Variants in XXYLT1 observed in about 807,000 individuals in gnomAD.
XXYLT1 encodes UDP-xylose:alpha-xyloside alpha-1,3-xylosyltransferase.
In XXYLT1, 20 loss-of-function variants were observed where a neutral mutation model predicts 28.9. The ratio of observed to expected loss-of-function variants is 0.69; its 90% CI spans 0.49 to 1.00. The LOEUF (loss-of-function observed/expected upper bound fraction) is 1.00, where lower values mean the gene tolerates loss of function less well. XXYLT1 is among the 50% of genes least tolerant of loss of function. XXYLT1 has a pLI of 0.00. For synonymous variants in XXYLT1, 257 were observed against 253.8 expected (o/e 1.01, Z -0.12); for missense variants, 542 against 560.1 (o/e 0.97, Z 0.33).
intron 1 of XXYLT1, among the ~76,000 whole-genome samples, chr3:195,253,270 G>A (rs969671183): frequency 2.0e-5 from 3 of 151,950 alleles, no homozygotes; most frequent in Non-Finnish European, 4.4e-5. Flanking sequence ...AAAGACTCCC[G>A]TAAATCAGGT....
At chr3:195,259,681 GCCAGCGCCAGGGACAGAC>G in intron 1 of XXYLT1, 2 of 985,390 alleles carry the variant, frequency 2.0e-6, no homozygotes, top group Non-Finnish European at 2.4e-6. Context: ...CGGGCTCCAG[GCCAGCGCCAGGGACAGAC>G]CCAGCACCAG....
chr3:195,143,849 T>TATAGATATAGATATAG (rs1324222928), intron 3 of XXYLT1, among the ~76,000 whole-genome samples: 3 of 72,554 alleles, frequency 4.1e-5, no homozygotes, highest in Non-Finnish European at 9.5e-5. Context: ...TATAGATATA[T>TATAGATATAGATATAG]ATATAGATAT....
At chr3:195,157,344 A>C (rs2108684634) in intron 2 of XXYLT1, among the ~76,000 whole-genome samples, 1 of 151,848 alleles carries the variant, frequency 6.6e-6, no homozygotes, top group South Asian at 2.1e-4. Context: ...AAAAAACATT[A>C]TGGTCTCAGG....
rs950805933 is a variant in XXYLT1, at chr3:195,116,166, G to A, written c.785+40283C>T. ...GCACTATGAGATCTCAAGAGCAAGA[G>A]AAAGAAGGCATGCCACCACGAGCGG... On this transcript the variant is annotated intron_variant, in intron 3 of 3. Transcript: ENST00000310380. 3.9e-4 allele frequency among the ~76,000 whole-genome samples: 60 copies of A among 152,154 alleles called. 1 individual carries two copies. The highest frequency in any genetic ancestry group is 1.3e-4 in the Admixed American group (2 of 15,270).
At chr3:195,231,596 T>A (rs1420805859) in intron 1 of XXYLT1, among the ~76,000 whole-genome samples, 2 of 152,212 alleles carry the variant, frequency 1.3e-5, no homozygotes, top group Non-Finnish European at 2.9e-5. Flanking sequence ...CATGAAGTGA[T>A]GTTGAATTTT....
At chr3:195,166,894 G>T (rs545882207) in intron 2 of XXYLT1, among the ~76,000 whole-genome samples, 1 of 152,146 alleles carries the variant, frequency 6.6e-6, no homozygotes, top group African/African-American at 2.4e-5. Context: ...GGCCAGGCTC[G>T]TCTTCATCTC....
intron 2 of XXYLT1, among the ~76,000 whole-genome samples, chr3:195,157,110 G>A (rs879937370): frequency 6.6e-6 from 1 of 152,014 alleles, no homozygotes; most frequent in Non-Finnish European, 1.5e-5. Context: ...GGGCGTGGTG[G>A]CAGGTGCCTG....
chr3:195,207,834 T>G (rs1723139414), intron 2 of XXYLT1, among the ~76,000 whole-genome samples: 1 of 152,348 alleles, frequency 6.6e-6, no homozygotes, highest in Non-Finnish European at 1.5e-5. Context: ...CTCTCACTCG[T>G]GTGGCTGCTG....
chr3:195,110,173 AGTATG>A (rs1717457347), intron 3 of XXYLT1, among the ~76,000 whole-genome samples: 1 of 11,376 alleles, frequency 8.8e-5, no homozygotes, highest in Non-Finnish European at 2.3e-4. Context: ...GTGGTGTCTG[AGTATG>A]TGTGTGTGTG....
At chr3:195,153,774 T>C (rs963825462) in intron 3 of XXYLT1, 2 of 152,164 alleles carry the variant, frequency 1.3e-5, no homozygotes, top group Non-Finnish European at 2.9e-5. Flanking sequence ...TTATATCACA[T>C]GAGAAGATTC....
intron 1 of XXYLT1, among the ~76,000 whole-genome samples, chr3:195,227,203 C>G (rs1265002751): frequency 6.6e-6 from 1 of 152,150 alleles, no homozygotes; most frequent in Non-Finnish European, 1.5e-5. Context: ...CTGAAGGTAG[C>G]TCTGTGCCCA....
chr3:195,235,960 A>T (rs548358685), intron 1 of XXYLT1, among the ~76,000 whole-genome samples: 2 of 151,918 alleles, frequency 1.3e-5, no homozygotes, highest in Non-Finnish European at 2.9e-5. Flanking sequence ...ACATAGAGAT[A>T]TACACCTGGC....
intron 1 of XXYLT1, among the ~76,000 whole-genome samples, chr3:195,231,328 G>A (rs1724290374): frequency 6.6e-6 from 1 of 152,072 alleles, no homozygotes; most frequent in Non-Finnish European, 1.5e-5. Context: ...CATATCATCT[G>A]CAAACAAGTG....
chr3:195,169,989 C>T (rs1211130039), intron 2 of XXYLT1, among the ~76,000 whole-genome samples: 1 of 72,432 alleles, frequency 1.4e-5, no homozygotes, highest in Non-Finnish European at 3.0e-5. Flanking sequence ...CCTCAGCCTT[C>T]CAAGTAGCTG....
chr3:195,135,304 A>G (rs1040470997), intron 3 of XXYLT1, among the ~76,000 whole-genome samples: 3 of 152,208 alleles, frequency 2.0e-5, no homozygotes, highest in African/African-American at 7.2e-5. Context: ...AAGATAGTTC[A>G]ATTCACCTTT....
Position 195,076,364 on chromosome 3 carries a change from C to T in XXYLT1, c.786-6253G>A, listed in dbSNP as rs1220982338. ...CGACTGCGGCACAGACATTGGAACTCGACCGCGCGTGTTCCCGGAGTCTGA... is the reference window on the plus strand; with the variant it reads ...CGACTGCGGCACAGACATTGGAACTTGACCGCGCGTGTTCCCGGAGTCTGA... On this transcript the variant is annotated intron_variant, in intron 3 of 3. Transcript: ENST00000310380. This position sits in a 1 kb window ranked among gnomAD's most constrained non-coding sequence, Gnocchi z 5.3. Among the ~76,000 whole-genome samples the T allele has an allele frequency of 1.3e-5, 2 of 151,038 alleles. No homozygotes were observed. The highest frequency in any genetic ancestry group is 1.5e-5 in the Non-Finnish European group (1 of 67,848).
At chr3:195,190,493 C>CAAAAAAAAA (rs57722997) in intron 2 of XXYLT1, among the ~76,000 whole-genome samples, 2 of 34,986 alleles carry the variant, frequency 5.7e-5, no homozygotes, top group Non-Finnish European at 1.7e-4. Context: ...GACTCTGTCT[C>CAAAAAAAAA]AAAAAAAAAA....
Position 195,270,849 on chromosome 3 carries a change from C to A in XXYLT1, c.210G>T (p.Ala70=). 1 of 1,413,308 alleles carries A rather than the reference C, an allele frequency of 7.1e-7. No individual in the cohort carries two copies. The highest frequency in any genetic ancestry group is 9.2e-7 in the Non-Finnish European group (1 of 1,087,290). The allele number at this position is 1,413,308 out of a possible 1,614,324, so 87.5% of individuals were successfully genotyped here. A position where few individuals can be genotyped will look rare whatever the true frequency, so the allele number is the denominator to read the frequency against. Residue 70 remains alanine (A), a synonymous_variant, in exon 1 of 4, where the codon GCG becomes GCT. Coordinates refer to ENST00000310380, the MANE Select transcript of XXYLT1 (RefSeq NM_152531.5). ...AGAPAAPSPP[A]LELARGSVAP... ...CCACGGAGCCCCGCGCTAGCTCCAG[C>A]GCGGGCGGCGAGGGCGCGGCGGGAG...
intron 2 of XXYLT1, among the ~76,000 whole-genome samples, chr3:195,198,703 T>C (rs750655581): frequency 6.6e-6 from 1 of 152,140 alleles, no homozygotes; most frequent in Non-Finnish European, 1.5e-5. Flanking sequence ...CTCGTAACTA[T>C]TATGCAACAC....
Sources: allele counts gnomAD v4.1 joint callset (sites outside exome capture counted in the v4.1 genomes callset), GRCh38; gene constraint gnomAD v4.1.1; non-coding constraint Gnocchi (gnomAD v3.1); transcripts MANE v1.5; gene names NCBI Gene and HGNC (gene_info 2026-07-23, HGNC 2026-07-21).